Variants in MICAL3 observed in about 807,000 individuals in gnomAD.
MICAL3 encodes the protein microtubule associated monooxygenase, calponin and LIM domain containing 3.
Under a neutral mutation model 207.4 loss-of-function variants are expected in MICAL3, and 62 were observed. That is an observed-to-expected ratio of 0.30 (90% CI 0.24 to 0.37). The LOEUF is 0.37. Among genes scored for constraint, MICAL3 ranks in the 10% least tolerant of loss-of-function variants. MICAL3 has a pLI of 1.00. For synonymous variants in MICAL3, 1,077 were observed against 1,069.3 expected (o/e 1.01, Z -0.14); for missense variants, 2,368 against 2,635.6 (o/e 0.90, Z 2.22).
rs367924916 is a variant in MICAL3 at position 17,827,581 on chromosome 22, C to T, written c.3193+63G>A. On this transcript the variant is annotated intron_variant, in intron 22 of 31. Coordinates refer to ENST00000441493, the MANE Select transcript of MICAL3 (RefSeq NM_015241.3). The stretch of plus-strand genomic sequence containing the variant: ...GCCCTGACAGAAAGGCCCCCTGTGG[C>T]GACAGAGGCAGCAGGCGGGTGGTGC... 3.4e-5 allele frequency: 50 copies of T among 1,485,868 alleles called. No individual in the cohort carries two copies. The African/African-American group carries it at 4.3e-4, about 13-fold the overall frequency. 92.0% of individuals were successfully genotyped at this position (1,485,868 alleles called of 1,614,324 possible).
At chr22:18,014,986 CAA>C (rs10689117) in intron 1 of MICAL3, among the ~76,000 whole-genome samples, 1 of 140,492 alleles carries the variant, frequency 7.1e-6, no homozygotes, top group Non-Finnish European at 1.5e-5. Flanking sequence ...GACTCCATCT[CAA>C]AAAAAAAAAA....
chr22:17,992,704 A>T (rs1478500641), intron 1 of MICAL3, among the ~76,000 whole-genome samples: 1 of 152,062 alleles, frequency 6.6e-6, no homozygotes, highest in Non-Finnish European at 1.5e-5. Context: ...CTAAACCCGG[A>T]GGCCGCCAAT....
intron 1 of MICAL3, among the ~76,000 whole-genome samples, chr22:17,967,389 T>C (rs2146399987): frequency 6.6e-6 from 1 of 152,162 alleles, no homozygotes; most frequent in South Asian, 2.1e-4. Flanking sequence ...ATTTAAGGCA[T>C]TTACTCAAGC....
intron 19 of MICAL3, chr22:17,864,493 G>A (rs987861928): frequency 9.1e-6 from 13 of 1,425,648 alleles, no homozygotes; most frequent in African/African-American, 8.6e-5. Flanking sequence ...CATGAAGGCC[G>A]AGTGGCCTTG....
chr22:17,835,474 C>G (rs572008420), intron 20 of MICAL3, among the ~76,000 whole-genome samples: 4 of 152,222 alleles, frequency 2.6e-5, no homozygotes, highest in Non-Finnish European at 1.5e-5. Flanking sequence ...AGGTCCTGTG[C>G]GTCACACACA....
At chr22:17,970,270 C>G (rs1023837532) in intron 1 of MICAL3, among the ~76,000 whole-genome samples, 3 of 150,370 alleles carry the variant, frequency 2.0e-5, no homozygotes, top group Non-Finnish European at 4.4e-5. Flanking sequence ...ACGCCAGGTT[C>G]TAAATCTGCC....
chr22:17,886,218 AT>A (rs1929858222), intron 15 of MICAL3, among the ~76,000 whole-genome samples, 167 bp from the exon 16 acceptor site: 2 of 152,354 alleles, frequency 1.3e-5, no homozygotes, highest in East Asian at 3.9e-4. Flanking sequence ...GTAGGGCCGT[AT>A]AAAGAGTACT....
At chr22:18,004,036 G>A (rs1923213329) in intron 1 of MICAL3, among the ~76,000 whole-genome samples, 1 of 152,126 alleles carries the variant, frequency 6.6e-6, no homozygotes, top group South Asian at 2.1e-4. Flanking sequence ...CCAGAGTGCT[G>A]GGATTACAGG....
intron 1 of MICAL3, among the ~76,000 whole-genome samples, chr22:17,944,178 A>C (rs966595327): frequency 6.6e-6 from 1 of 152,224 alleles, no homozygotes; most frequent in African/African-American, 2.4e-5. Flanking sequence ...TTTGGTTGAC[A>C]TGGACATCAG....
At chr22:17,857,102 G>A (rs571721324) in intron 19 of MICAL3, among the ~76,000 whole-genome samples, 2 of 152,210 alleles carry the variant, frequency 1.3e-5, no homozygotes, top group East Asian at 3.9e-4. Flanking sequence ...CTCTTCCTTG[G>A]TCACCAGGTT....
intron 1 of MICAL3, among the ~76,000 whole-genome samples, chr22:17,969,128 C>T (rs1185082941): frequency 6.6e-6 from 1 of 152,086 alleles, no homozygotes; most frequent in Non-Finnish European, 1.5e-5. Context: ...CTGCAACCTC[C>T]ACCTCCCGGG....
intron 16 of MICAL3, among the ~76,000 whole-genome samples, chr22:17,877,585 T>TGGAGGTGAGGGAGGTTAGGGAGGTGAG (rs1928975450): frequency 7.3e-6 from 1 of 136,792 alleles, no homozygotes; most frequent in African/African-American, 2.8e-5. Context: ...AGGGAAGTTA[T>TGGAGGTGAGGGAGGTTAGGGAGGTGAG]GGAGGTTAGG....
At position 17,929,557 on chromosome 22, in the gene MICAL3, CCTTTT is replaced by C. The variant is rs1220545349; in HGVS notation, c.-74-22676_-74-22672del. Among the ~76,000 whole-genome samples the C allele has an allele frequency of 4.2e-4, 56 of 132,148 alleles. 1 individual carries two copies. The highest frequency in any genetic ancestry group is 1.1e-3 in the African/African-American group (39 of 35,150). 86.7% of individuals were successfully genotyped at this position (132,148 alleles called of 152,430 possible). On this transcript the variant is annotated intron_variant, in intron 1 of 31. Transcript: ENST00000441493. ...TGCTCTATTTCATTTTTCTTTCTTTCCTTTTCTTTTCTTTTTTTTTTTTTTTTTTT... is the reference window on the plus strand; with the variant it reads ...TGCTCTATTTCATTTTTCTTTCTTTCCTTTTCTTTTTTTTTTTTTTTTTTT...
At chr22:17,837,066 T>C (rs1237409214) in intron 20 of MICAL3, among the ~76,000 whole-genome samples, 1 of 152,226 alleles carries the variant, frequency 6.6e-6, no homozygotes, top group Non-Finnish European at 1.5e-5. Flanking sequence ...TTCCCTTCCC[T>C]GACAACTGTG....
At chr22:17,803,338 C>T (rs187616650) in intron 29 of MICAL3, among the ~76,000 whole-genome samples, 3 of 152,248 alleles carry the variant, frequency 2.0e-5, no homozygotes, top group East Asian at 1.9e-4. Flanking sequence ...GCCTTTCCCT[C>T]GCACTCAGCT....
chr22:17,880,751 T>C (rs1929340034), intron 16 of MICAL3, among the ~76,000 whole-genome samples: 1 of 152,170 alleles, frequency 6.6e-6, no homozygotes, highest in Non-Finnish European at 1.5e-5. Flanking sequence ...TGTTGGAAGA[T>C]GCTGAATGGG....
At chr22:17,799,063 T>C (rs560840699) in intron 29 of MICAL3, among the ~76,000 whole-genome samples, 19 of 152,312 alleles carry the variant, frequency 1.2e-4, no homozygotes, top group African/African-American at 4.1e-4. Context: ...TTACCTGTCA[T>C]GGCTATGCCC....
chr22:17,965,938 C>G (rs115929591), intron 1 of MICAL3, among the ~76,000 whole-genome samples: 2,104 of 152,292 alleles, frequency 0.014, 51 homozygotes, highest in African/African-American at 0.048. Flanking sequence ...CCAACCACCA[C>G]GGGACCAACC....
chr22:17,928,888 G>A (rs1336158432), intron 1 of MICAL3, among the ~76,000 whole-genome samples: 4 of 152,190 alleles, frequency 2.6e-5, no homozygotes, highest in South Asian at 2.1e-4. Context: ...TCCACCTCCC[G>A]GGTTCACGCC....
Sources: allele counts gnomAD v4.1 joint callset (sites outside exome capture counted in the v4.1 genomes callset), GRCh38; gene constraint gnomAD v4.1.1; transcripts MANE v1.5; gene names NCBI Gene and HGNC (gene_info 2026-07-23, HGNC 2026-07-21).